The following CHODL variants were observed in gnomAD, a reference collection of about 807,000 sequenced individuals.
CHODL encodes the protein transmembrane protein MT75.
CHODL carries 29 observed loss-of-function variants against 34.5 expected under a neutral mutation model. The ratio of observed to expected loss-of-function variants is 0.84; its 90% CI spans 0.63 to 1.15. The LOEUF (loss-of-function observed/expected upper bound fraction) is 1.15. Ranked by LOEUF, CHODL falls within the 50% of genes most tolerant of loss-of-function variation. The probability of loss-of-function intolerance (pLI) is 0.00; values close to 1 mark genes in which losing one functional copy is unlikely to be tolerated. For missense variants in CHODL, 332 were observed against 332.5 expected, an observed-to-expected ratio of 1.00 and a Z score of 0.01; for synonymous variants, 125 against 116.1, an observed-to-expected ratio of 1.08 and a Z score of -0.49.
chr21:18,114,403 A>G (rs1446817473), intron 2 of CHODL, among the ~76,000 whole-genome samples: 3 of 152,210 alleles, frequency 2.0e-5, no homozygotes, highest in African/African-American at 7.2e-5. Flanking sequence ...TACCCCAAAA[A>G]TATATATACT....
intron 2 of CHODL, among the ~76,000 whole-genome samples, chr21:18,182,112 C>T (rs2073388876): frequency 6.6e-6 from 1 of 152,060 alleles, no homozygotes; most frequent in Admixed American, 6.6e-5. Context: ...GTAATATGTT[C>T]ATGCTGTTTA....
chr21:18,051,225 C>G (rs1012717326), intron 2 of CHODL, among the ~76,000 whole-genome samples: 6 of 151,834 alleles, frequency 4.0e-5, no homozygotes, highest in African/African-American at 1.5e-4. Flanking sequence ...TGATGGTTTC[C>G]AGCTTCATCC....
At chr21:18,153,987 C>T (rs1002229300) in intron 2 of CHODL, among the ~76,000 whole-genome samples, 9 of 152,016 alleles carry the variant, frequency 5.9e-5, no homozygotes, top group South Asian at 4.1e-4. Context: ...TCTTGGCCAT[C>T]GACCTCCAGC....
At chr21:17,938,431 A>AT (rs1172540501) in intron 1 of CHODL, among the ~76,000 whole-genome samples, 1 of 129,040 alleles carries the variant, frequency 7.7e-6, no homozygotes, top group Non-Finnish European at 1.6e-5. Flanking sequence ...ATGAACTCCG[A>AT]TTTTAAATAA....
intron 2 of CHODL, among the ~76,000 whole-genome samples, chr21:18,127,190 TA>T: frequency 1.3e-5 from 2 of 152,040 alleles, no homozygotes; most frequent in Middle Eastern, 3.4e-3. Context: ...TGTTTTTTTT[TA>T]AGGAATAATG....
chr21:18,261,772 GTTTT>G (rs1368976293), intron 4 of CHODL, among the ~76,000 whole-genome samples: 1 of 152,112 alleles, frequency 6.6e-6, no homozygotes, highest in African/African-American at 2.4e-5. Context: ...CAGTGTCACG[GTTTT>G]TTAATTTTAC....
intron 2 of CHODL, among the ~76,000 whole-genome samples, chr21:18,167,551 C>T (rs1401175334): frequency 2.0e-5 from 3 of 152,078 alleles, no homozygotes; most frequent in Non-Finnish European, 4.4e-5. Context: ...CCTCATGATC[C>T]ACCCATCTTG....
At chr21:17,947,025 A>G (rs2063415324) in intron 1 of CHODL, among the ~76,000 whole-genome samples, 1 of 152,020 alleles carries the variant, frequency 6.6e-6, no homozygotes, top group Non-Finnish European at 1.5e-5. Flanking sequence ...TATATTACAG[A>G]TTTTTGCTAT....
intron 1 of CHODL, among the ~76,000 whole-genome samples, chr21:18,003,907 A>G (rs1251498291): frequency 6.6e-6 from 1 of 152,186 alleles, no homozygotes; most frequent in Non-Finnish European, 1.5e-5. Flanking sequence ...GTTTGGGCAT[A>G]AGAATAATTC....
intron 2 of CHODL, among the ~76,000 whole-genome samples, chr21:18,093,932 A>G (rs2065105978): frequency 6.6e-6 from 1 of 152,112 alleles, no homozygotes; most frequent in Admixed American, 6.6e-5. Context: ...ATAAAAAGAC[A>G]TACACTTGCT....
At chr21:18,213,574 A>G (rs2073794278) in intron 2 of CHODL, among the ~76,000 whole-genome samples, 1 of 152,088 alleles carries the variant, frequency 6.6e-6, no homozygotes, top group African/African-American at 2.4e-5. Context: ...AGAAGAAAAG[A>G]AAATACTCTG....
chr21:18,158,743 C>T (rs1384718291), intron 2 of CHODL, among the ~76,000 whole-genome samples: 15 of 149,790 alleles, frequency 1.0e-4, no homozygotes, highest in Admixed American at 6.8e-4. Context: ...GAGGCTGAGG[C>T]AGGAAAATCG....
At chr21:18,112,907 G>A (rs1359423485) in intron 2 of CHODL, among the ~76,000 whole-genome samples, 1 of 152,016 alleles carries the variant, frequency 6.6e-6, no homozygotes, top group Non-Finnish European at 1.5e-5. Context: ...AAGCAAAAAT[G>A]GACAAATGAG....
chr21:17,960,226 G>A (rs1410942130), intron 1 of CHODL, among the ~76,000 whole-genome samples: 2 of 152,148 alleles, frequency 1.3e-5, no homozygotes, highest in African/African-American at 2.4e-5. Flanking sequence ...AGTATTTTCG[G>A]CAAGTTGACA....
At chr21:18,172,146 C>A (rs1299197202) in intron 2 of CHODL, among the ~76,000 whole-genome samples, 1 of 152,128 alleles carries the variant, frequency 6.6e-6, no homozygotes, top group Non-Finnish European at 1.5e-5. Context: ...CATCCCACAG[C>A]TTTTCCTTTT....
chr21:18,064,816 T>A (rs2064712263), intron 2 of CHODL, among the ~76,000 whole-genome samples: 1 of 152,178 alleles, frequency 6.6e-6, no homozygotes, highest in Non-Finnish European at 1.5e-5. Context: ...AGTTATATGT[T>A]TGTATCTCCT....
chr21:18,256,310 C>A (rs2074313756), intron 1 of CHODL, among the ~76,000 whole-genome samples, 199 bp from the exon 2 acceptor site: 1 of 152,092 alleles, frequency 6.6e-6, no homozygotes, highest in African/African-American at 2.4e-5. Flanking sequence ...GTTTATGTTG[C>A]AAGTTTACGA....
chr21:17,938,496 G>GTTTTTTCTT (rs2063336099), intron 1 of CHODL, among the ~76,000 whole-genome samples: 1 of 43,684 alleles, frequency 2.3e-5, no homozygotes, highest in Non-Finnish European at 3.9e-5. Flanking sequence ...TTTTTTTTAA[G>GTTTTTTCTT]GAAAGGGAGT....
chr21:17,950,585 C>T (rs1472342366), intron 1 of CHODL, among the ~76,000 whole-genome samples: 1 of 150,642 alleles, frequency 6.6e-6, no homozygotes, highest in Non-Finnish European at 1.5e-5. Context: ...ATAAAGGAGT[C>T]TATAGAAGTC....
Sources: gnomAD v4.1 joint callset for allele counts (sites outside exome capture counted in the v4.1 genomes callset) on GRCh38, gnomAD v4.1.1 for gene constraint, MANE v1.5 for transcripts, NCBI Gene and HGNC (gene_info 2026-07-23, HGNC 2026-07-21) for gene names.